Variants in EBF1 observed in about 807,000 individuals in gnomAD.
The protein encoded by EBF1 is EBF transcription factor 1, also known as transcription factor COE1.
In EBF1, 10 loss-of-function variants were observed where a neutral mutation model predicts 68.4. That is an observed-to-expected ratio of 0.15 (90% CI 0.09 to 0.25). The LOEUF is 0.25. Ranked by LOEUF, EBF1 falls within the 10% of genes least tolerant of loss-of-function variation. The probability of loss-of-function intolerance (pLI) is 1.00; values close to 1 mark genes in which losing one functional copy is unlikely to be tolerated. For synonymous variants in EBF1, 298 were observed against 299.8 expected (o/e 0.99, Z 0.06); for missense variants, 509 against 794.4 (o/e 0.64, Z 4.32).
intron 6 of EBF1, among the ~76,000 whole-genome samples, chr5:158,953,372 T>C (rs1449575935): frequency 1.3e-5 from 2 of 152,170 alleles, no homozygotes; most frequent in South Asian, 2.1e-4. Flanking sequence ...CATAGATAGA[T>C]AAATGCCAGA....
intron 10 of EBF1, among the ~76,000 whole-genome samples, chr5:158,757,578 T>C (rs935692139): frequency 1.3e-5 from 2 of 152,170 alleles, no homozygotes; most frequent in African/African-American, 4.8e-5. Context: ...ATTACCTTTG[T>C]GCCTAAATAC....
intron 6 of EBF1, among the ~76,000 whole-genome samples, chr5:158,874,273 A>G (rs1797394539): frequency 6.6e-6 from 1 of 152,214 alleles, no homozygotes; most frequent in Non-Finnish European, 1.5e-5. Flanking sequence ...ACTAAATAAC[A>G]CCAAAAAAAG....
At chr5:159,025,595 C>T (rs750617520) in intron 6 of EBF1, among the ~76,000 whole-genome samples, 1 of 152,222 alleles carries the variant, frequency 6.6e-6, no homozygotes, top group Non-Finnish European at 1.5e-5. Context: ...TTAACACCCT[C>T]CATCACTCTG....
At chr5:158,958,593 G>A (rs1215489838) in intron 6 of EBF1, among the ~76,000 whole-genome samples, 1 of 152,002 alleles carries the variant, frequency 6.6e-6, no homozygotes, top group Admixed American at 6.5e-5. Context: ...ATAGGCTATC[G>A]CTATTACCTA....
At chr5:158,832,513 C>T (rs761253762) in intron 7 of EBF1, among the ~76,000 whole-genome samples, 11 of 152,272 alleles carry the variant, frequency 7.2e-5, no homozygotes, top group East Asian at 1.9e-4. Context: ...GATCGCAGCT[C>T]GGGCCCCTAG....
intron 6 of EBF1, among the ~76,000 whole-genome samples, chr5:159,043,129 A>G (rs1178558207): frequency 6.6e-6 from 1 of 152,150 alleles, no homozygotes; most frequent in African/African-American, 2.4e-5. Flanking sequence ...TGCTTTCTCT[A>G]TTTTGCAGAC....
chr5:158,696,623 A>AT lies in EBF1; in HGVS notation c.*2487dup, dbSNP rs1332569532. 1 of 217,526 alleles carries AT rather than the reference A, an allele frequency of 4.6e-6. No individual in the cohort carries two copies. The highest frequency in any genetic ancestry group is 9.2e-6 in the Non-Finnish European group (1 of 108,208). The allele number at this position is 217,526 out of a possible 1,614,324, so 13.5% of individuals were successfully genotyped here. A position where few individuals can be genotyped will look rare whatever the true frequency, so the allele number is the denominator to read the frequency against. On this transcript the variant is annotated 3_prime_UTR_variant, in exon 16 of 16. Transcript: ENST00000313708. ...GAAGCAATGCGTCCACCTTGCTTAC[A>AT]TTTTCCAGTTTTTTTTATTATTATT...
intron 6 of EBF1, among the ~76,000 whole-genome samples, chr5:158,971,176 G>A (rs1251659374): frequency 1.1e-4 from 16 of 152,164 alleles, no homozygotes; most frequent in Admixed American, 1.0e-3. Flanking sequence ...TGTAAAGTGG[G>A]GATAACAATG....
chr5:158,719,545 T>A (rs376141631), intron 11 of EBF1, among the ~76,000 whole-genome samples: 3 of 152,286 alleles, frequency 2.0e-5, no homozygotes, highest in East Asian at 3.9e-4. Context: ...CTGAAATCTA[T>A]AGCTAATAAG....
intron 9 of EBF1, among the ~76,000 whole-genome samples, chr5:158,789,140 T>C (rs1043552989): frequency 1.3e-5 from 2 of 152,170 alleles, no homozygotes; most frequent in Non-Finnish European, 2.9e-5. Context: ...TTTATAATTT[T>C]GCACAAAGCA....
intron 6 of EBF1, among the ~76,000 whole-genome samples, chr5:158,904,847 C>T (rs915931438): frequency 2.6e-5 from 4 of 152,140 alleles, no homozygotes; most frequent in African/African-American, 7.2e-5. Flanking sequence ...CTCACCTCCT[C>T]GGTTCATTTA....
At chr5:158,765,616 A>G (rs1175151222) in intron 10 of EBF1, among the ~76,000 whole-genome samples, 1 of 152,094 alleles carries the variant, frequency 6.6e-6, no homozygotes, top group Admixed American at 6.6e-5. Flanking sequence ...AAAGATGAAC[A>G]ATTACATGTG....
At chr5:158,930,682 T>C (rs955863823) in intron 6 of EBF1, among the ~76,000 whole-genome samples, 1 of 152,218 alleles carries the variant, frequency 6.6e-6, no homozygotes, top group African/African-American at 2.4e-5. Flanking sequence ...GCCTTCTTCA[T>C]AAGAATTCAA....
intron 6 of EBF1, among the ~76,000 whole-genome samples, chr5:158,954,664 C>T (rs902413131): frequency 4.6e-5 from 7 of 152,180 alleles, no homozygotes; most frequent in Non-Finnish European, 1.0e-4. Context: ...GTTACCAATG[C>T]GGTCAGTAGC....
chr5:158,757,064 G>A (rs958193132), intron 10 of EBF1, among the ~76,000 whole-genome samples: 6 of 151,874 alleles, frequency 4.0e-5, no homozygotes, highest in African/African-American at 1.5e-4. Context: ...TTGCCTCCTT[G>A]TGGCTAAATT....
intron 6 of EBF1, among the ~76,000 whole-genome samples, chr5:158,920,735 C>A (rs1056628355): frequency 2.0e-5 from 3 of 152,154 alleles, no homozygotes; most frequent in Non-Finnish European, 4.4e-5. Flanking sequence ...TGAGCCACTG[C>A]ACTTGGCTCC....
chr5:159,044,033 G>A (rs1255968228), intron 6 of EBF1, among the ~76,000 whole-genome samples: 1 of 152,052 alleles, frequency 6.6e-6, no homozygotes, highest in African/African-American at 2.4e-5. Flanking sequence ...TTGAGAGATG[G>A]GAACACTTTA....
chr5:159,095,522 T>A, intron 4 of EBF1, 98 bp downstream of exon 4: 2 of 1,431,206 alleles, frequency 1.4e-6, no homozygotes, highest in Non-Finnish European at 1.9e-6. Flanking sequence ...GCTTTTAGAG[T>A]TAGAGTCCCA....
At chr5:158,843,564 T>C (rs1215513988) in intron 6 of EBF1, among the ~76,000 whole-genome samples, 1 of 152,146 alleles carries the variant, frequency 6.6e-6, no homozygotes, top group African/African-American at 2.4e-5. Flanking sequence ...CTTGCTGAAA[T>C]TGAAAGCTTG....
Sources: allele counts gnomAD v4.1 joint callset (sites outside exome capture counted in the v4.1 genomes callset), GRCh38; gene constraint gnomAD v4.1.1; transcripts MANE v1.5; gene names NCBI Gene and HGNC (gene_info 2026-07-23, HGNC 2026-07-21).